TACC3: variants seen among roughly 807,000 people sequenced by gnomAD.
The protein encoded by TACC3 is transforming acidic coiled-coil-containing protein 3.
TACC3 carries 52 observed loss-of-function variants against 86.0 expected under a neutral mutation model. That is an observed-to-expected ratio of 0.60 (90% CI 0.48 to 0.76). The LOEUF (loss-of-function observed/expected upper bound fraction) is 0.76. Among genes scored for constraint, TACC3 ranks in the 30% least tolerant of loss-of-function variants. The pLI is 0.00. For synonymous variants in TACC3, 512 were observed against 430.0 expected (o/e 1.19, Z -2.36); for missense variants, 1,120 against 1,070.4 (o/e 1.05, Z -0.65).
intron 12 of TACC3, 30 bp from the exon 13 acceptor site, chr4:1,740,796 A>T: frequency 1.3e-6 from 2 of 1,593,592 alleles, no homozygotes; most frequent in Non-Finnish European, 1.7e-6. Flanking sequence ...TTGCCTCCTC[A>T]TCCTGAACGT....
In TACC3 at chr4:1,744,963, G is replaced by T; in HGVS notation, c.2467G>T (p.Glu823Ter). 1 of 1,611,920 alleles carries T rather than the reference G, an allele frequency of 6.2e-7. No individual in the cohort carries two copies. The highest frequency in any genetic ancestry group is 2.2e-5 in the East Asian group (1 of 44,854). ...CCTCCTCCAGACTAAAGAGAACGAG[G>T]AGCTGACCAGGATCTGCGACGACCT... ...TVEQKTKENE[E>*]LTRICDDLIS... is the part of the protein sequence containing the mutation. The change falls in exon 16 of 16, where the codon GAG (glutamate) becomes TAG (stop). Residue 823 changes from glutamate to a stop codon, truncating the protein, a stop_gained. Transcript: ENST00000313288. LOFTEE classifies it high-confidence loss of function.
chr4:1,728,781 T>C lies in TACC3; in HGVS notation c.1379T>C (p.Leu460Pro), dbSNP rs1717853652. 2.5e-6 allele frequency: 4 copies of C among 1,603,990 alleles called. No homozygotes were observed. Among genetic ancestry groups the C allele is most frequent in the Non-Finnish European group, 3.4e-6 (4 of 1,176,264 alleles). Reference sequence around the variant, plus strand: ...GCCACGGAGGAGCCAGGTCCCTGTCTGAGCCAGTAAGTGTGAGGATGGGAT... The same window carrying C: ...GCCACGGAGGAGCCAGGTCCCTGTCCGAGCCAGTAAGTGTGAGGATGGGAT... ...GPATEEPGPC[L>P]SQQLHSASAE... Residue 460 changes from leucine (L) to proline (P), a missense_variant, in exon 4 of 16, where the codon CTG (leucine) becomes CCG (proline). Leu to Pro is a moderately conservative substitution (Grantham distance 98). Coordinates refer to ENST00000313288, the MANE Select transcript of TACC3 (RefSeq NM_006342.3).
At chr4:1,721,712 C>T (rs1717376416) in intron 1 of TACC3, 69 bp downstream of exon 1, 1 of 151,924 alleles carries the variant, frequency 6.6e-6, no homozygotes, top group African/African-American at 2.4e-5. Flanking sequence ...CGCCCCGCCC[C>T]GCCCTCGGCC....
intron 12 of TACC3, chr4:1,740,587 A>C: frequency 2.2e-6 from 1 of 447,020 alleles, no homozygotes. Context: ...CTCTTCAGGG[A>C]CCTCTGGCCC....
rs540319867 is a variant in TACC3 at position 1,737,451 on chromosome 4, G to A, written c.1836+123G>A. 6.8e-5 allele frequency: 78 copies of A among 1,138,918 alleles called. 1 individual carries two copies. Among genetic ancestry groups the A allele is most frequent in the Middle Eastern group, 6.6e-4 (3 of 4,568 alleles). 70.6% of individuals were successfully genotyped at this position (1,138,918 alleles called of 1,614,324 possible). ...TTGGTTTTGTTGGGGGCATGGGGCC[G>A]CTGTGCTGTTCCCTCGCCGCACTGT... On this transcript the variant is annotated intron_variant, in intron 9 of 15. Transcript: ENST00000313288.
chr4:1,724,663 G>A (rs1276838416), intron 3 of TACC3, among the ~76,000 whole-genome samples: 1 of 152,110 alleles, frequency 6.6e-6, no homozygotes, highest in Non-Finnish European at 1.5e-5. Context: ...CTCTGCGGCT[G>A]AACTAATCTG....
intron 8 of TACC3, among the ~76,000 whole-genome samples, chr4:1,736,390 T>C (rs986585537): frequency 5.2e-5 from 6 of 114,580 alleles, no homozygotes; most frequent in African/African-American, 1.0e-4. Context: ...GCCACTGCAC[T>C]CCAGCCTGGG....
In TACC3 at chr4:1,735,197, C is replaced by A; in HGVS notation, c.1592-76C>A. ...TGGAATGATCCTGCCTCACTGAGTG[C>A]TGAGGGAGACACCAGCCCGCCGCCC... On this transcript the variant is annotated intron_variant, in intron 6 of 15. Coordinates refer to ENST00000313288, the MANE Select transcript of TACC3 (RefSeq NM_006342.3). The surrounding 1 kb of genome is among the most constrained non-coding windows in gnomAD (Gnocchi z 4.2). 6.4e-7 allele frequency: 1 copy of A among 1,573,130 alleles called. No homozygotes were observed. The highest frequency in any genetic ancestry group is 8.7e-7 in the Non-Finnish European group (1 of 1,144,722).
chr4:1,730,452 T>C lies in TACC3; in HGVS notation c.1386-435T>C, dbSNP rs145210424. The C allele has an allele frequency of 3.2e-3, 992 of 312,512 alleles. 16 individuals are homozygous for C. Among genetic ancestry groups the C allele is most frequent in the African/African-American group, 0.02 (909 of 46,476 alleles). The allele number at this position is 312,512 out of a possible 1,614,324, so 19.4% of individuals were successfully genotyped here. A position where few individuals can be genotyped will look rare whatever the true frequency, so the allele number is the denominator to read the frequency against. Reference sequence around the variant, plus strand: ...AATCATATCTATAATCTATTTCTAGTATAACTATTCTTATTCTGTATATTT... The same window carrying C: ...AATCATATCTATAATCTATTTCTAGCATAACTATTCTTATTCTGTATATTT... On this transcript the variant is annotated intron_variant, in intron 4 of 15. Transcript: ENST00000313288.
intron 10 of TACC3, 107 bp from the exon 11 acceptor site, chr4:1,739,595 G>A: frequency 9.6e-7 from 1 of 1,039,486 alleles, no homozygotes; most frequent in East Asian, 2.6e-5. Context: ...GTGCCTCTGG[G>A]ACATTGCTCC....
Position 1,728,600 on chromosome 4 carries a change from C to A in TACC3, c.1198C>A (p.Arg400=), listed in dbSNP as rs772824686. 2.5e-6 allele frequency: 4 copies of A among 1,613,820 alleles called. No individual in the cohort carries two copies. The African/African-American group carries it at 4.0e-5, about 16-fold the overall frequency. The part of the protein sequence containing the change: ...AGEDPPMPAS[R]GSYHLDWDKM... Reference sequence around the variant, plus strand: ...AGAGGACCCCCCCATGCCAGCTTCTCGGGGCTCTTACCACCTCGACTGGGA... The same window carrying A: ...AGAGGACCCCCCCATGCCAGCTTCTAGGGGCTCTTACCACCTCGACTGGGA... Residue 400 remains arginine (R), a synonymous_variant, in exon 4 of 16, where the codon CGG becomes AGG. Transcript: ENST00000313288.
intron 13 of TACC3, among the ~76,000 whole-genome samples, chr4:1,743,580 A>T (rs991687112): frequency 6.6e-6 from 1 of 152,264 alleles, no homozygotes; most frequent in South Asian, 2.1e-4. Context: ...CTAGAAAAGA[A>T]CCAAATGGAA....
At chr4:1,733,552 G>A (rs939872644) in intron 6 of TACC3, among the ~76,000 whole-genome samples, 2 of 152,000 alleles carry the variant, frequency 1.3e-5, no homozygotes, top group South Asian at 2.1e-4. Flanking sequence ...CCAGCTGCTC[G>A]GGAAGCTGAG....
At chr4:1,734,465 G>C (rs1036799243) in intron 6 of TACC3, among the ~76,000 whole-genome samples, 1 of 152,206 alleles carries the variant, frequency 6.6e-6, no homozygotes, top group Non-Finnish European at 1.5e-5. Context: ...TGGGATTACA[G>C]ATGTGAGCTA....
At chr4:1,734,950 T>A (rs1332629367) in intron 6 of TACC3, among the ~76,000 whole-genome samples, 2 of 152,254 alleles carry the variant, frequency 1.3e-5, no homozygotes, top group Admixed American at 6.5e-5. Context: ...ATTAAAAGAC[T>A]TGTCTAGGGT....
At chr4:1,723,104 A>C (rs1560289869) in intron 1 of TACC3, 1 of 326,112 alleles carries the variant, frequency 3.1e-6, no homozygotes, top group Non-Finnish European at 5.8e-6. Context: ...ATAGTAATAC[A>C]GCAGTAGAGA....
chr4:1,735,006 C>A lies in TACC3; in HGVS notation c.1592-267C>A, dbSNP rs1307789112. Among the ~76,000 whole-genome samples the A allele has an allele frequency of 6.6e-6, 1 of 152,254 alleles. No homozygotes were observed. Among genetic ancestry groups the A allele is most frequent in the East Asian group, 1.9e-4 (1 of 5,196 alleles). ...CTCAACCAGAGCAGTTTTGCCCCCG[C>A]CTTTCCCCAGATGTTTGTGGTTGTC... On this transcript the variant is annotated intron_variant, in intron 6 of 15. Coordinates refer to ENST00000313288, the MANE Select transcript of TACC3 (RefSeq NM_006342.3). The surrounding 1 kb of genome is among the most constrained non-coding windows in gnomAD (Gnocchi z 4.2).
At position 1,723,852 on chromosome 4, in the gene TACC3, T is replaced by G. The variant is rs1717548169; in HGVS notation, c.287T>G (p.Val96Gly). 5 of 1,613,366 alleles carry G rather than the reference T, an allele frequency of 3.1e-6. No individual in the cohort carries two copies. Among genetic ancestry groups the G allele is most frequent in the Non-Finnish European group, 4.2e-6 (5 of 1,179,966 alleles). ...DTLGLENSHP[V>G]WTQKENQQLI... ...CTTGGACTGGAAAACTCACACCCGG[T>G]CTGGACACAGAAAGAGAAGTAAGTG... Residue 96 changes from valine (V) to glycine (G), a missense_variant, in exon 3 of 16, where the codon GTC becomes GGC. Transcript: ENST00000313288.
chr4:1,730,714 C>T lies in TACC3; in HGVS notation c.1386-173C>T, dbSNP rs149134544. 2,133 of 782,124 alleles carry T rather than the reference C, an allele frequency of 2.7e-3. 38 individuals carry two copies. Among genetic ancestry groups the T allele is most frequent in the East Asian group, 0.02 (800 of 39,412 alleles). 48.4% of individuals were successfully genotyped at this position (782,124 alleles called of 1,614,324 possible). ...TTCCTGCTGGGTGAGGTTGGTGAGG[C>T]AGTTTTGTGGCCAGGTCGCTTGGGA... On this transcript the variant is annotated intron_variant, in intron 4 of 15. Coordinates refer to ENST00000313288, the MANE Select transcript of TACC3 (RefSeq NM_006342.3).
Sources: allele counts gnomAD v4.1 joint callset (sites outside exome capture counted in the v4.1 genomes callset), GRCh38; gene constraint gnomAD v4.1.1; non-coding constraint Gnocchi (gnomAD v3.1); transcripts MANE v1.5; gene names NCBI Gene and HGNC (gene_info 2026-07-23, HGNC 2026-07-21).